The following NIPAL1 variants were observed in gnomAD, a reference collection of about 807,000 sequenced individuals.
The protein encoded by NIPAL1 is magnesium transporter NIPA3.
Under a neutral mutation model 37.7 loss-of-function variants are expected in NIPAL1, and 35 were observed. That is an observed-to-expected ratio of 0.93 (90% CI 0.71 to 1.23). The LOEUF is 1.23. Among genes scored for constraint, NIPAL1 ranks in the 50% most tolerant of loss-of-function variants. NIPAL1 has a pLI of 0.00. For synonymous variants in NIPAL1, 162 were observed against 183.0 expected (o/e 0.89, Z 0.93); for missense variants, 412 against 473.9 (o/e 0.87, Z 1.21).
At chr4:48,023,663 G>C (rs1182614760) in intron 1 of NIPAL1, among the ~76,000 whole-genome samples, 3 of 152,080 alleles carry the variant, frequency 2.0e-5, no homozygotes, top group Non-Finnish European at 4.4e-5. Context: ...ATTATAAAAA[G>C]TTTCTTACAT....
At position 48,035,886 on chromosome 4, in the gene NIPAL1, C is replaced by A; in HGVS notation, c.947C>A (p.Ser316Tyr). 1 of 1,613,914 alleles carries A rather than the reference C, an allele frequency of 6.2e-7. No individual in the cohort carries two copies. Among genetic ancestry groups the A allele is most frequent in the Non-Finnish European group, 8.5e-7 (1 of 1,179,836 alleles). ...VTPIYYVFFT[S>Y]MVVTCSAILF... Reference sequence around the variant, plus strand: ...CCCATTTATTATGTATTCTTCACATCCATGGTAGTGACTTGCTCTGCCATC... The same window carrying A: ...CCCATTTATTATGTATTCTTCACATACATGGTAGTGACTTGCTCTGCCATC... Residue 316 changes from serine to tyrosine, a missense_variant, in exon 6 of 6, where the codon TCC becomes TAC. Ser to Tyr is a moderately radical substitution (Grantham distance 144). Transcript: ENST00000295461.
In NIPAL1 at chr4:48,034,903, T is replaced by C; in HGVS notation, c.484T>C (p.Leu162=). The C allele has an allele frequency of 6.2e-7, 1 of 1,613,300 alleles. No individual in the cohort carries two copies. The highest frequency in any genetic ancestry group is 8.5e-7 in the Non-Finnish European group (1 of 1,179,384). ...LISAILSSYF[L]NEHLNIHGKI... ...CAGTGCAATATTATCTTCCTACTTT[T>C]TAAACGAGCACTTGAACATTCATGG... The change falls in exon 5 of 6, where the codon TTA becomes CTA. Residue 162 remains leucine, a synonymous_variant. Coordinates refer to ENST00000295461, the MANE Select transcript of NIPAL1 (RefSeq NM_207330.3).
At chr4:48,017,484 G>C (rs757393642) in intron 1 of NIPAL1, among the ~76,000 whole-genome samples, 46 of 51,458 alleles carry the variant, frequency 8.9e-4, no homozygotes, top group Non-Finnish European at 3.0e-3. Context: ...GACTCGCTGT[G>C]CAGTCACTCT....
intron 1 of NIPAL1, among the ~76,000 whole-genome samples, chr4:48,017,797 G>A (rs1406896486): frequency 6.6e-6 from 1 of 152,058 alleles, no homozygotes; most frequent in African/African-American, 2.4e-5. Context: ...TAAAGGGGAA[G>A]GGAGGCAGTG....
rs1715716818 is a variant in NIPAL1 at position 48,027,391 on chromosome 4, G to A, written c.313+2057G>A. Among the ~76,000 whole-genome samples the A allele has an allele frequency of 6.6e-6, 1 of 152,144 alleles. No individual in the cohort carries two copies. Among genetic ancestry groups the A allele is most frequent in the African/African-American group, 2.4e-5 (1 of 41,436 alleles). On this transcript the variant is annotated intron_variant, in intron 2 of 5. Transcript: ENST00000295461. The surrounding 1 kb of genome is among the most constrained non-coding windows in gnomAD (Gnocchi z 4.1). ...CAACTAGACAATAGTCAGGTTCAGT[G>A]TGGTAACATAATTCCAACTTAGTTA...
chr4:48,038,996 A>G lies in NIPAL1; in HGVS notation c.*2824A>G, dbSNP rs1450295702. On this transcript the variant is annotated 3_prime_UTR_variant, in exon 6 of 6. Coordinates refer to ENST00000295461, the MANE Select transcript of NIPAL1 (RefSeq NM_207330.3). The stretch of plus-strand genomic sequence containing the variant: ...AATGAAATATTTGAAAACTGTCTAC[A>G]TAAAAGTTACTGATGCACATGCATT... The G allele has an allele frequency of 2.0e-5, 3 of 152,158 alleles. No homozygotes were observed. The highest frequency in any genetic ancestry group is 4.4e-5 in the Non-Finnish European group (3 of 68,046). The allele number at this position is 152,158 out of a possible 1,614,324, so 9.4% of individuals were successfully genotyped here. A position where few individuals can be genotyped will look rare whatever the true frequency, so the allele number is the denominator to read the frequency against.
At position 48,040,062 on chromosome 4, in the gene NIPAL1, CTG is replaced by C. The variant is rs1716044906; in HGVS notation, c.*3892_*3893del. On this transcript the variant is annotated 3_prime_UTR_variant, in exon 6 of 6. Transcript: ENST00000295461. ...AATGTTCTCAAATATTTTGAATAAACTGTTCATGAAGCCTTATATTTTGCAAG... is the reference window on the plus strand; with the variant it reads ...AATGTTCTCAAATATTTTGAATAAACTTCATGAAGCCTTATATTTTGCAAG... The C allele has an allele frequency of 6.6e-6, 1 of 152,226 alleles. No homozygotes were observed. Among genetic ancestry groups the C allele is most frequent in the East Asian group, 1.9e-4 (1 of 5,194 alleles). 9.4% of individuals were successfully genotyped at this position (152,226 alleles called of 1,614,324 possible).
At chr4:48,019,413 A>T (rs1038080239) in intron 1 of NIPAL1, among the ~76,000 whole-genome samples, 4 of 152,240 alleles carry the variant, frequency 2.6e-5, no homozygotes. Context: ...AGGTTGTTAT[A>T]AAGCTGTAAT....
chr4:48,030,842 G>A (rs1412042479), intron 3 of NIPAL1, among the ~76,000 whole-genome samples: 1 of 152,162 alleles, frequency 6.6e-6, no homozygotes, highest in Admixed American at 6.5e-5. Context: ...CTCAAAAAGG[G>A]CATCATAAAT....
At position 48,036,616 on chromosome 4, in the gene NIPAL1, G is replaced by A. The variant is rs1715952248; in HGVS notation, c.*444G>A. On this transcript the variant is annotated 3_prime_UTR_variant, in exon 6 of 6. Coordinates refer to ENST00000295461, the MANE Select transcript of NIPAL1 (RefSeq NM_207330.3). ...CAAGATTTCAGAAAGGTATAATCAT[G>A]TAATTTCTCATATTAAAACTGAGAA... is the stretch of plus-strand genomic sequence containing the variant. 1 of 162,278 alleles carries A rather than the reference G, an allele frequency of 6.2e-6. No homozygotes were observed. Among genetic ancestry groups the A allele is most frequent in the African/African-American group, 2.4e-5 (1 of 41,522 alleles). 10.1% of individuals were successfully genotyped at this position (162,278 alleles called of 1,614,324 possible).
At chr4:48,032,489 C>CTTACTTACTT (rs1393048049) in intron 3 of NIPAL1, among the ~76,000 whole-genome samples, 22 of 152,312 alleles carry the variant, frequency 1.4e-4, no homozygotes, top group African/African-American at 5.3e-4. Flanking sequence ...GCTTATAGAT[C>CTTACTTACTT]ACTTACAATA....
intron 1 of NIPAL1, 49 bp downstream of exon 1, chr4:48,016,934 G>A: frequency 6.5e-7 from 1 of 1,528,022 alleles, no homozygotes; most frequent in Non-Finnish European, 8.9e-7. Context: ...GTGGCGAAGA[G>A]ACCGGGTGGG....
At position 48,033,054 on chromosome 4, in the gene NIPAL1, C is replaced by A. The variant is rs770157571; in HGVS notation, c.432C>A (p.Thr144=). 1.2e-5 allele frequency: 19 copies of A among 1,613,572 alleles called. No homozygotes were observed. The highest frequency in any genetic ancestry group is 1.4e-5 in the Non-Finnish European group (17 of 1,179,688). ...CTTTTGCACCTGCCACCTTGGTCAC[C>A]CCTCTGGGTGCTTTGAGTGTTCTCA... ...AYAFAPATLV[T]PLGALSVLIS... Residue 144 remains threonine, a synonymous_variant, in exon 4 of 6, where the codon ACC becomes ACA. Transcript: ENST00000295461.
At chr4:48,018,826 T>A (rs564655614) in intron 1 of NIPAL1, among the ~76,000 whole-genome samples, 222 of 152,248 alleles carry the variant, frequency 1.5e-3, no homozygotes, top group Non-Finnish European at 2.3e-3. Context: ...AACAAAGTAA[T>A]TTAAAAGATC....
At chr4:48,025,043 C>T (rs756550898) in intron 1 of NIPAL1, 25 bp from the exon 2 acceptor site, 2 of 1,605,838 alleles carry the variant, frequency 1.2e-6, no homozygotes, top group East Asian at 4.5e-5. Flanking sequence ...TCATTCCTGA[C>T]ATTCTCTTCT....
chr4:48,027,966 T>C lies in NIPAL1; in HGVS notation c.314-2154T>C, dbSNP rs1056043775. 6.6e-6 allele frequency among the ~76,000 whole-genome samples: 1 copy of C among 152,232 alleles called. No homozygotes were observed. The highest frequency in any genetic ancestry group is 2.4e-5 in the African/African-American group (1 of 41,468). ...TATTTATGTTTTCTGTTTTTAATTT[T>C]AACCATAGCTGAAATGAAGTATTTA... On this transcript the variant is annotated intron_variant, in intron 2 of 5. Coordinates refer to ENST00000295461, the MANE Select transcript of NIPAL1 (RefSeq NM_207330.3). The surrounding 1 kb of genome is among the most constrained non-coding windows in gnomAD (Gnocchi z 4.1).
chr4:48,029,150 G>A (rs2109369530), intron 2 of NIPAL1, among the ~76,000 whole-genome samples: 1 of 152,248 alleles, frequency 6.6e-6, no homozygotes, highest in South Asian at 2.1e-4. Flanking sequence ...CAACACCAAA[G>A]TCATGAAATC....
intron 2 of NIPAL1, among the ~76,000 whole-genome samples, chr4:48,028,725 GA>G (rs1715748475): frequency 6.6e-6 from 1 of 151,594 alleles, no homozygotes; most frequent in African/African-American, 2.4e-5. Flanking sequence ...AACTCAACAA[GA>G]AAAAAACAAA....
chr4:48,025,053 T>G lies in NIPAL1; in HGVS notation c.47-15T>G, dbSNP rs749579945. The G allele has an allele frequency of 1.2e-6, 2 of 1,610,100 alleles. No homozygotes were observed. The highest frequency in any genetic ancestry group is 4.5e-5 in the East Asian group (2 of 44,862). ...CCCTTTCATTCCTGACATTCTCTTC[T>G]TTCCTTTTTTCCAGGATATGTGCTG... On this transcript the variant is annotated splice_polypyrimidine_tract_variant and intron_variant, in intron 1 of 5. Transcript: ENST00000295461.
Sources: gnomAD v4.1 joint callset for allele counts (sites outside exome capture counted in the v4.1 genomes callset) on GRCh38, gnomAD v4.1.1 for gene constraint, Gnocchi (gnomAD v3.1) non-coding constraint, MANE v1.5 for transcripts, NCBI Gene and HGNC (gene_info 2026-07-23, HGNC 2026-07-21) for gene names.